The following CAMK1D variants were observed in gnomAD, a reference collection of about 807,000 sequenced individuals.
CAMK1D encodes the protein calcium/calmodulin-dependent protein kinase type 1D.
In CAMK1D, 9 loss-of-function variants were observed where a neutral mutation model predicts 47.7. The observed-to-expected ratio is 0.19, with a 90% CI of 0.11 to 0.33. The LOEUF is 0.33. Among genes scored for constraint, CAMK1D ranks in the 10% least tolerant of loss-of-function variants. CAMK1D has a pLI of 1.00. For missense variants in CAMK1D, 291 were observed against 488.7 expected, an observed-to-expected ratio of 0.60 and a Z score of 3.81; for synonymous variants, 184 against 184.9, an observed-to-expected ratio of 0.99 and a Z score of 0.04.
intron 2 of CAMK1D, among the ~76,000 whole-genome samples, chr10:12,578,589 T>C (rs1431563969): frequency 2.8e-5 from 2 of 71,334 alleles, no homozygotes; most frequent in African/African-American, 1.5e-4. Context: ...AAAAAAAGTT[T>C]TGTAGAGATG....
At chr10:12,583,470 T>A (rs1837722044) in intron 2 of CAMK1D, among the ~76,000 whole-genome samples, 1 of 152,218 alleles carries the variant, frequency 6.6e-6, no homozygotes, top group Non-Finnish European at 1.5e-5. Flanking sequence ...TCAGACGTTG[T>A]CTGTCAAATG....
At chr10:12,562,665 C>T (rs1029712289) in intron 2 of CAMK1D, among the ~76,000 whole-genome samples, 3 of 152,180 alleles carry the variant, frequency 2.0e-5, no homozygotes, top group Non-Finnish European at 4.4e-5. Context: ...CAGTTTGACA[C>T]ACACCTCCTT....
intron 1 of CAMK1D, among the ~76,000 whole-genome samples, chr10:12,399,597 C>G (rs1385834968): frequency 6.6e-6 from 1 of 152,104 alleles, no homozygotes; most frequent in Non-Finnish European, 1.5e-5. Context: ...GACACCCCTA[C>G]TATGACACCT....
chr10:12,496,021 G>A (rs1396055240), intron 1 of CAMK1D, among the ~76,000 whole-genome samples: 2 of 151,940 alleles, frequency 1.3e-5, no homozygotes, highest in Admixed American at 6.6e-5. Context: ...TAGAGATGGG[G>A]TTTCACCATG....
chr10:12,571,818 G>A (rs536235364), intron 2 of CAMK1D, among the ~76,000 whole-genome samples: 1 of 152,222 alleles, frequency 6.6e-6, no homozygotes, highest in African/African-American at 2.4e-5. Flanking sequence ...TAGGCATTTG[G>A]TATCTTTTTA....
At chr10:12,498,337 G>C (rs1834602634) in intron 1 of CAMK1D, among the ~76,000 whole-genome samples, 1 of 152,230 alleles carries the variant, frequency 6.6e-6, no homozygotes, top group Admixed American at 6.5e-5. Flanking sequence ...CAGATGGAAA[G>C]AGCTCATTTG....
intron 4 of CAMK1D, among the ~76,000 whole-genome samples, chr10:12,763,485 G>A (rs934328982): frequency 6.6e-6 from 1 of 152,212 alleles, no homozygotes; most frequent in Admixed American, 6.5e-5. Flanking sequence ...GAGACTGGAA[G>A]TGCCTGGTCC....
chr10:12,425,228 C>T (rs113485521), intron 1 of CAMK1D, among the ~76,000 whole-genome samples: 8 of 152,132 alleles, frequency 5.3e-5, no homozygotes, highest in Admixed American at 1.3e-4. Context: ...GAGACCTTCC[C>T]GTTTTCTCTT....
intron 1 of CAMK1D, among the ~76,000 whole-genome samples, chr10:12,356,282 C>T (rs575281588): frequency 5.3e-5 from 8 of 152,112 alleles, no homozygotes; most frequent in African/African-American, 1.7e-4. Context: ...TGTGAGATTC[C>T]CCAAGGACCT....
At chr10:12,482,488 GAAT>G (rs1309994879) in intron 1 of CAMK1D, among the ~76,000 whole-genome samples, 1 of 152,180 alleles carries the variant, frequency 6.6e-6, no homozygotes, top group African/African-American at 2.4e-5. Flanking sequence ...AAGAAAGTTG[GAAT>G]AATAGAATTT....
At chr10:12,734,338 AAAAAAAAATATATAT>A (rs2130820822) in intron 3 of CAMK1D, among the ~76,000 whole-genome samples, 2 of 36,110 alleles carry the variant, frequency 5.5e-5, no homozygotes, top group Admixed American at 4.7e-4. Context: ...AAAAAAAAAA[AAAAAAAAATATATAT>A]ATATATATAT....
chr10:12,420,237 C>T (rs928175365), intron 1 of CAMK1D, among the ~76,000 whole-genome samples: 2 of 152,196 alleles, frequency 1.3e-5, no homozygotes, highest in Non-Finnish European at 1.5e-5. Flanking sequence ...GGATTAGAGG[C>T]GTGAGCCACC....
chr10:12,793,933 A>G (rs1474893189), intron 6 of CAMK1D, among the ~76,000 whole-genome samples: 1 of 152,268 alleles, frequency 6.6e-6, no homozygotes, highest in African/African-American at 2.4e-5. Flanking sequence ...ACATGCAAGA[A>G]GTAACCTAGT....
intron 1 of CAMK1D, among the ~76,000 whole-genome samples, chr10:12,496,527 A>G (rs771252526): frequency 6.6e-6 from 1 of 152,154 alleles, no homozygotes; most frequent in Non-Finnish European, 1.5e-5. Flanking sequence ...GAGAGGCTTC[A>G]TGGGCAGTAA....
At chr10:12,786,605 CT>C (rs1172106279) in intron 5 of CAMK1D, among the ~76,000 whole-genome samples, 1 of 152,216 alleles carries the variant, frequency 6.6e-6, no homozygotes, top group Non-Finnish European at 1.5e-5. Context: ...GTTGCCCAGG[CT>C]GGAGTGCAAT....
At chr10:12,379,475 A>T (rs1399364522) in intron 1 of CAMK1D, among the ~76,000 whole-genome samples, 1 of 152,064 alleles carries the variant, frequency 6.6e-6, no homozygotes, top group East Asian at 1.9e-4. Context: ...ATTTGGGGCC[A>T]GTCTTGGTGG....
In CAMK1D at chr10:12,729,528, C is replaced by T. The variant is rs569690060; in HGVS notation, c.300-31420C>T. On this transcript the variant is annotated intron_variant, in intron 3 of 10. Coordinates refer to ENST00000619168, the MANE Select transcript of CAMK1D (RefSeq NM_153498.4). ...TGGTGTGCACTTGTAGTCCCAGCTA[C>T]GTGGAAGGGTGAGGCGGGAGGGTCA... Among the ~76,000 whole-genome samples, 5 of 152,048 alleles carry T rather than the reference C, an allele frequency of 3.3e-5. No individual in the cohort carries two copies. In the East Asian group the frequency reaches 7.7e-4, roughly 24 times the overall value.
chr10:12,538,298 G>T (rs1241793435), intron 1 of CAMK1D, among the ~76,000 whole-genome samples: 1 of 152,200 alleles, frequency 6.6e-6, no homozygotes, highest in African/African-American at 2.4e-5. Flanking sequence ...TGGCTGACAG[G>T]TGATCTCTTT....
At position 12,554,705 on chromosome 10, in the gene CAMK1D, TA is replaced by T. The variant is rs1385428283; in HGVS notation, c.224+1358del. ...GCACACGCTATTATGCCTGGCTAAT[TA>T]AAAAAAAATTTTTTTTTTAAGAGAT... On this transcript the variant is annotated intron_variant, in intron 2 of 10. Transcript: ENST00000619168. Among the ~76,000 whole-genome samples the T allele has an allele frequency of 3.6e-5, 4 of 112,318 alleles. No homozygotes were observed. In the East Asian group the frequency reaches 1.1e-3, roughly 30 times the overall value. The allele number at this position is 112,318 out of a possible 152,430, so 73.7% of individuals were successfully genotyped here.
Sources: gnomAD v4.1 joint callset for allele counts (sites outside exome capture counted in the v4.1 genomes callset) on GRCh38, gnomAD v4.1.1 for gene constraint, MANE v1.5 for transcripts, NCBI Gene and HGNC (gene_info 2026-07-23, HGNC 2026-07-21) for gene names.